Variants in TENM3 observed in about 807,000 individuals in gnomAD.
TENM3 encodes teneurin-3.
Under a neutral mutation model 255.1 loss-of-function variants are expected in TENM3, and 63 were observed. The ratio of observed to expected loss-of-function variants is 0.25; its 90% CI spans 0.20 to 0.30. TENM3 has a LOEUF of 0.30. TENM3 is among the 10% of genes least tolerant of loss of function. The pLI, the probability that TENM3 is intolerant of heterozygous loss-of-function variation, is 1.00. For missense variants in TENM3, 2,929 were observed against 3,461.1 expected, an observed-to-expected ratio of 0.85 and a Z score of 3.86; for synonymous variants, 1,306 against 1,322.3, an observed-to-expected ratio of 0.99 and a Z score of 0.27.
At chr4:181,518,870 T>C in the TENM3 span, among the ~76,000 whole-genome samples, 2 of 152,152 alleles carry the variant, frequency 1.3e-5, no homozygotes, top group Non-Finnish European at 2.9e-5. Context: ...TACTGTCCCA[T>C]CCAAGGTACC....
At chr4:181,549,889 T>C in the TENM3 span, among the ~76,000 whole-genome samples, 4,180 of 152,306 alleles carry the variant, frequency 0.027, 110 homozygotes, top group African/African-American at 0.066. Context: ...ATTTCTCTGA[T>C]TCTGGTACAC....
chr4:181,724,890 G>A, the TENM3 span, among the ~76,000 whole-genome samples: 1 of 152,288 alleles, frequency 6.6e-6, no homozygotes, highest in African/African-American at 2.4e-5. Flanking sequence ...CTGTCTGAGG[G>A]ATAAAGGCCA....
At chr4:182,334,422 G>C (rs955559298) in intron 2 of TENM3, among the ~76,000 whole-genome samples, 2 of 152,072 alleles carry the variant, frequency 1.3e-5, no homozygotes, top group Non-Finnish European at 1.5e-5. Flanking sequence ...TTTAATTGGC[G>C]TGAGTGATCT....
intron 12 of TENM3, chr4:182,698,191 CT>C (rs879678754): frequency 1.3e-5 from 2 of 152,156 alleles, no homozygotes; most frequent in Non-Finnish European, 2.9e-5. Flanking sequence ...AAATTTGAAA[CT>C]TTAGTAAGTT....
At chr4:182,489,981 GAAAA>G (rs894268888) in intron 3 of TENM3, among the ~76,000 whole-genome samples, 25 of 152,036 alleles carry the variant, frequency 1.6e-4, no homozygotes, top group African/African-American at 6.0e-4. Flanking sequence ...ATACAAGGTA[GAAAA>G]TGATAAAATG....
the TENM3 span, among the ~76,000 whole-genome samples, chr4:181,531,628 A>T: frequency 6.6e-6 from 1 of 152,222 alleles, no homozygotes; most frequent in Non-Finnish European, 1.5e-5. Context: ...TGGGATTCTT[A>T]CTTTATGGGG....
intron 21 of TENM3, among the ~76,000 whole-genome samples, 158 bp downstream of exon 21, chr4:182,753,762 A>G (rs1289557730): frequency 6.6e-6 from 1 of 152,228 alleles, no homozygotes; most frequent in Non-Finnish European, 1.5e-5. Flanking sequence ...GAGCTAATAA[A>G]AAGTTATTTT....
the TENM3 span, among the ~76,000 whole-genome samples, chr4:182,011,856 G>A: frequency 6.6e-6 from 1 of 152,152 alleles, no homozygotes; most frequent in Non-Finnish European, 1.5e-5. Context: ...TTCAAGGATA[G>A]GTCATATTTA....
At chr4:182,393,815 T>C (rs1408420559) in intron 3 of TENM3, among the ~76,000 whole-genome samples, 1 of 152,200 alleles carries the variant, frequency 6.6e-6, no homozygotes, top group Non-Finnish European at 1.5e-5. Flanking sequence ...TTCATCATAA[T>C]AATGATACCT....
the TENM3 span, among the ~76,000 whole-genome samples, chr4:181,673,704 C>A: frequency 6.6e-6 from 1 of 152,012 alleles, no homozygotes; most frequent in African/African-American, 2.4e-5. Context: ...ATAAATGTAT[C>A]ATTATTTCAT....
chr4:181,527,583 C>G, the TENM3 span, among the ~76,000 whole-genome samples: 1 of 148,066 alleles, frequency 6.8e-6, no homozygotes, highest in South Asian at 2.1e-4. Flanking sequence ...CCAGGCTGGT[C>G]TCGAACTCCT....
At chr4:182,715,292 A>G (rs1759069417) in intron 13 of TENM3, among the ~76,000 whole-genome samples, 1 of 151,892 alleles carries the variant, frequency 6.6e-6, no homozygotes, top group Non-Finnish European at 1.5e-5. Flanking sequence ...TTTCCCTGCC[A>G]CTCCACCAGC....
exon 1 of TENM3, chr4:182,144,751 C>A (rs1749797099): frequency 1.4e-5 from 2 of 147,806 alleles, no homozygotes; most frequent in Non-Finnish European, 3.0e-5. Context: ...GCGAGCCGAG[C>A]GCGGTAAGTG....
the TENM3 span, among the ~76,000 whole-genome samples, chr4:181,838,394 A>G: frequency 1.3e-5 from 2 of 152,208 alleles, no homozygotes; most frequent in African/African-American, 4.8e-5. Flanking sequence ...ATGTGTTAAT[A>G]TACTTTTTTG....
intron 1 of TENM3, among the ~76,000 whole-genome samples, chr4:182,280,417 T>A (rs1428172693): frequency 1.3e-5 from 2 of 152,190 alleles, no homozygotes; most frequent in African/African-American, 4.8e-5. Flanking sequence ...TCACTGAGAT[T>A]TATATATTCT....
chr4:181,931,529 T>C, the TENM3 span, among the ~76,000 whole-genome samples: 1 of 152,094 alleles, frequency 6.6e-6, no homozygotes, highest in Non-Finnish European at 1.5e-5. Context: ...CACAAACAAA[T>C]GGAAAAACAT....
rs548211277 is a variant in TENM3, at chr4:182,672,431, T to G, written c.1112-574T>G. Among the ~76,000 whole-genome samples the G allele has an allele frequency of 6.0e-4, 91 of 152,284 alleles. 1 individual carries two copies. The highest frequency in any genetic ancestry group is 1.8e-3 in the African/African-American group (76 of 41,558). ...TGTGAGCACTTAAGCTTACCCCTCCTTCCTTTCCCCTCACAATGCCCCAAG... is the reference window on the plus strand; with the variant it reads ...TGTGAGCACTTAAGCTTACCCCTCCGTCCTTTCCCCTCACAATGCCCCAAG... On this transcript the variant is annotated intron_variant, in intron 6 of 27. Transcript: ENST00000511685.
At chr4:181,953,028 C>T in the TENM3 span, among the ~76,000 whole-genome samples, 2 of 152,192 alleles carry the variant, frequency 1.3e-5, no homozygotes, top group Non-Finnish European at 2.9e-5. Context: ...TTAACTCACA[C>T]AAAGATCCTG....
chr4:181,534,941 G>C, the TENM3 span, among the ~76,000 whole-genome samples: 1 of 152,290 alleles, frequency 6.6e-6, no homozygotes, highest in East Asian at 1.9e-4. Flanking sequence ...GCTGTGGCCA[G>C]AAAGGAGGGT....
Sources: allele counts gnomAD v4.1 joint callset (sites outside exome capture counted in the v4.1 genomes callset), GRCh38; gene constraint gnomAD v4.1.1; transcripts MANE v1.5; gene names NCBI Gene and HGNC (gene_info 2026-07-23, HGNC 2026-07-21).